The following RACGAP1 variants were observed in gnomAD, a reference collection of about 807,000 sequenced individuals.
RACGAP1 encodes Rac GTPase activating protein 1, also known as rac GTPase-activating protein 1.
Under a neutral mutation model 78.1 loss-of-function variants are expected in RACGAP1, and 30 were observed. The observed-to-expected ratio is 0.38, with a 90% CI of 0.29 to 0.52. RACGAP1 has a LOEUF of 0.52. Ranked by LOEUF, RACGAP1 falls within the 20% of genes least tolerant of loss-of-function variation. RACGAP1 has a pLI of 0.82. For synonymous variants in RACGAP1, 231 were observed against 264.8 expected, an observed-to-expected ratio of 0.87 and a Z score of 1.24; for missense variants, 587 against 777.1, an observed-to-expected ratio of 0.76 and a Z score of 2.91.
rs1266149083 is a variant in RACGAP1, at chr12:50,016,678, TCAAA to T, written c.34_37del (p.Phe12SerfsTer46). 5.0e-6 allele frequency: 8 copies of T among 1,613,942 alleles called. No homozygotes were observed. The highest frequency in any genetic ancestry group is 6.8e-6 in the Non-Finnish European group (8 of 1,180,046). On this transcript the variant is annotated frameshift_variant, in exon 2 of 17. Coordinates refer to ENST00000312377, the MANE Select transcript of RACGAP1 (RefSeq NM_001319999.2). LOFTEE classifies it high-confidence loss of function. ...AATCTCCACCCGGCGCACAAGCTGC[TCAAA>T]CAGATTCCGCACATTCAGCATCATA...
At chr12:50,001,095 A>G (rs1592158242) in intron 7 of RACGAP1, 77 bp downstream of exon 7, 1 of 1,153,260 alleles carries the variant, frequency 8.7e-7, no homozygotes, top group Non-Finnish European at 1.3e-6. Context: ...TCTCAAAACA[A>G]TGCTGCAATG....
chr12:49,997,269 TAAC>T (rs1473750758), intron 9 of RACGAP1, 65 bp from the exon 10 acceptor site: 4 of 1,265,752 alleles, frequency 3.2e-6, no homozygotes, highest in Non-Finnish European at 3.1e-6. Flanking sequence ...CATAATCAAC[TAAC>T]TTTTTTTTTT....
upstream of RACGAP1, among the ~76,000 whole-genome samples, chr12:50,026,120 C>T (rs748569914): frequency 2.6e-5 from 4 of 152,178 alleles, no homozygotes; most frequent in Non-Finnish European, 5.9e-5. Context: ...ATTGTGCTAG[C>T]ACAGGAGCTT....
chr12:49,995,087 G>A lies in RACGAP1; in HGVS notation c.1045-578C>T, dbSNP rs900274110. ...CAGGCGGCCAGGTGCGGTAGCTCAC[G>A]CCTGTAATCCCAGCACTGTAGGAGG... is the stretch of plus-strand genomic sequence containing the variant. On this transcript the variant is annotated intron_variant, in intron 10 of 16. Transcript: ENST00000312377. 2.0e-5 allele frequency among the ~76,000 whole-genome samples: 3 copies of A among 152,252 alleles called. No homozygotes were observed. In the South Asian group the frequency reaches 6.2e-4, roughly 32 times the overall value.
chr12:50,000,706 A>C (rs975446282), intron 7 of RACGAP1, among the ~76,000 whole-genome samples: 17 of 152,210 alleles, frequency 1.1e-4, no homozygotes, highest in African/African-American at 4.1e-4. Context: ...GTTGTTTACT[A>C]CATCAGAGTA....
At chr12:49,994,617 T>C in intron 10 of RACGAP1, 108 bp from the exon 11 acceptor site, 1 of 1,456,300 alleles carries the variant, frequency 6.9e-7, no homozygotes, top group South Asian at 1.4e-5. Flanking sequence ...TGGGACATCA[T>C]GTCTACTTTT....
intron 8 of RACGAP1, 124 bp from the exon 9 acceptor site, chr12:49,999,395 G>A: frequency 7.8e-7 from 1 of 1,274,116 alleles, no homozygotes; most frequent in South Asian, 1.5e-5. Context: ...AGAACTAATG[G>A]CTATGTAAAA....
At chr12:50,031,478 CAAAAAAAAAA>C (rs56229939) in intron 2 of RACGAP1, among the ~76,000 whole-genome samples, 3 of 71,896 alleles carry the variant, frequency 4.2e-5, no homozygotes, top group Admixed American at 1.9e-4. Context: ...GACTCCATCT[CAAAAAAAAAA>C]AAAAAAAAAA....
intron 4 of RACGAP1, among the ~76,000 whole-genome samples, chr12:50,004,654 C>T (rs1254615858): frequency 6.6e-6 from 1 of 152,250 alleles, no homozygotes; most frequent in African/African-American, 2.4e-5. Flanking sequence ...TTGATCCCAA[C>T]TGTGCTGGTT....
intron 6 of RACGAP1, among the ~76,000 whole-genome samples, chr12:50,001,969 G>A (rs760725106): frequency 7.3e-5 from 11 of 151,562 alleles, no homozygotes; most frequent in East Asian, 5.8e-4. Flanking sequence ...GGAGGCCGAC[G>A]CAGGAGAATT....
upstream of RACGAP1, chr12:50,025,560 G>T (rs950680021): frequency 2.0e-6 from 2 of 984,354 alleles, no homozygotes; most frequent in African/African-American, 3.5e-5. Flanking sequence ...TGACGTACGC[G>T]TCAGGGCCAC....
At chr12:50,014,146 TA>T (rs1949514736) in intron 2 of RACGAP1, among the ~76,000 whole-genome samples, 2 of 152,168 alleles carry the variant, frequency 1.3e-5, no homozygotes, top group African/African-American at 4.8e-5. Context: ...GTAAGTACTA[TA>T]GAAATAAAAA....
chr12:50,031,497 A>AAAAAG (rs1950335105), intron 2 of RACGAP1, among the ~76,000 whole-genome samples: 1 of 148,030 alleles, frequency 6.8e-6, no homozygotes. Context: ...AAAAAAAAAA[A>AAAAAG]AAAGACCAAA....
rs757403618 is a variant in RACGAP1, at chr12:50,005,339, G to A, written c.342C>T (p.Ser114=). 1 of 1,614,100 alleles carries A rather than the reference G, an allele frequency of 6.2e-7. No individual in the cohort carries two copies. Among genetic ancestry groups the A allele is most frequent in the African/African-American group, 1.3e-5 (1 of 74,936 alleles). The part of the protein sequence containing the change: ...REMLMCDTSG[S]IQLSEEQKSA... ...ATTTTTGCTCCTCGCTTAGTTGAAT[G>A]CTGCCAGATGTGTCACACATGAGCA... is the stretch of plus-strand genomic sequence containing the variant. Residue 114 remains serine, a synonymous_variant, in exon 4 of 17, where the codon AGC becomes AGT. Transcript: ENST00000312377.
At chr12:49,995,119 T>C (rs961340960) in intron 10 of RACGAP1, among the ~76,000 whole-genome samples, 19 of 151,950 alleles carry the variant, frequency 1.3e-4, no homozygotes, top group African/African-American at 4.4e-4. Context: ...GAGGCCGAGG[T>C]GGGCGGATCA....
At position 50,005,119 on chromosome 12, in the gene RACGAP1, C is replaced by G; in HGVS notation, c.425+137G>C. The G allele has an allele frequency of 5.5e-6, 7 of 1,261,762 alleles. No homozygotes were observed. The South Asian group carries it at 1.0e-4, about 19-fold the overall frequency. 78.2% of individuals were successfully genotyped at this position (1,261,762 alleles called of 1,614,324 possible). On this transcript the variant is annotated intron_variant, in intron 4 of 16. Transcript: ENST00000312377. ...ACATCCCTGTGCCTTTATTCCCCAC[C>G]TACTCTCCCCACAAAATCTTTTTCT...
chr12:49,995,159 A>C (rs946523952), intron 10 of RACGAP1, among the ~76,000 whole-genome samples: 4 of 151,982 alleles, frequency 2.6e-5, no homozygotes, highest in Non-Finnish European at 4.4e-5. Context: ...GACCTGCCTG[A>C]CTAACATGGA....
intron 4 of RACGAP1, among the ~76,000 whole-genome samples, chr12:50,004,913 A>G (rs1051807640): frequency 3.9e-5 from 6 of 152,200 alleles, no homozygotes; most frequent in Admixed American, 1.3e-4. Flanking sequence ...GAGCTGTAAG[A>G]GCTCTCTGGA....
chr12:49,994,052 A>C, intron 12 of RACGAP1, 79 bp downstream of exon 12: 1 of 1,353,604 alleles, frequency 7.4e-7, no homozygotes, highest in Non-Finnish European at 1.0e-6. Flanking sequence ...AAAAATAAAA[A>C]ATAAATAAAA....
Sources: allele counts gnomAD v4.1 joint callset (sites outside exome capture counted in the v4.1 genomes callset), GRCh38; gene constraint gnomAD v4.1.1; transcripts MANE v1.5; gene names NCBI Gene and HGNC (gene_info 2026-07-23, HGNC 2026-07-21).